WDR72: variants seen among roughly 807,000 people sequenced by gnomAD.
WDR72 encodes WD repeat-containing protein 72.
Under a neutral mutation model 124.2 loss-of-function variants are expected in WDR72, and 120 were observed. The ratio of observed to expected loss-of-function variants is 0.97; its 90% confidence interval spans 0.83 to 1.12. WDR72 has a LOEUF of 1.12. Ranked by LOEUF, WDR72 falls within the 50% of genes most tolerant of loss-of-function variation. The pLI is 0.00. For synonymous variants in WDR72, 452 were observed against 441.7 expected (o/e 1.02, Z -0.29); for missense variants, 1,387 against 1,278.8 (o/e 1.08, Z -1.29).
At chr15:53,762,040 A>G (rs1241866001), upstream of WDR72, among the ~76,000 whole-genome samples, 1 of 151,872 alleles carries the variant, frequency 6.6e-6, no homozygotes, top group Non-Finnish European at 1.5e-5. Flanking sequence ...AAGGTTTCTC[A>G]GTTACATGAC....
Position 53,712,772 on chromosome 15 carries a change from C to A in WDR72, c.711G>T (p.Lys237Asn). ...LLLVVFSKCW[K>N]VYDYCDFSLL... The stretch of plus-strand genomic sequence containing the variant: ...TATTTATTATGTTACTTTATAATAC[C>A]TTCCAACATTTAGAAAATACCACCA... Residue 237 changes from lysine (K) to asparagine (N), a missense_variant and splice_region_variant, in exon 7 of 20, where the codon AAG becomes AAT. Coordinates refer to ENST00000360509, the MANE Select transcript of WDR72 (RefSeq NM_182758.4). 2 of 1,611,938 alleles carry A rather than the reference C, an allele frequency of 1.2e-6. No homozygotes were observed. The highest frequency in any genetic ancestry group is 1.7e-6 in the Non-Finnish European group (2 of 1,178,598).
intron 1 of WDR72, among the ~76,000 whole-genome samples, chr15:53,738,892 C>A (rs945323254): frequency 3.3e-5 from 5 of 152,152 alleles, no homozygotes; most frequent in Non-Finnish European, 7.3e-5. Flanking sequence ...CAGGCGTGAG[C>A]CACTGTACCC....
chr15:53,704,779 G>A lies in WDR72; in HGVS notation c.1348+209C>T, dbSNP rs1188106983. Among the ~76,000 whole-genome samples, 6 of 133,232 alleles carry A rather than the reference G, an allele frequency of 4.5e-5. No individual in the cohort carries two copies. The highest frequency in any genetic ancestry group is 6.2e-5 in the Non-Finnish European group (4 of 64,364). The allele number at this position is 133,232 out of a possible 152,430, so 87.4% of individuals were successfully genotyped here. A position where few individuals can be genotyped will look rare whatever the true frequency, so the allele number is the denominator to read the frequency against. ...GATCTCCTGACCTCGTGATCCGCCCGCCTTGGCCTCCCAAAGTGCTAGGAT... is the reference window on the plus strand; with the variant it reads ...GATCTCCTGACCTCGTGATCCGCCCACCTTGGCCTCCCAAAGTGCTAGGAT... On this transcript the variant is annotated intron_variant, in intron 11 of 19. Coordinates refer to ENST00000360509, the MANE Select transcript of WDR72 (RefSeq NM_182758.4).
chr15:53,580,834 T>A (rs1595772966), intron 18 of WDR72, among the ~76,000 whole-genome samples: 1 of 152,026 alleles, frequency 6.6e-6, no homozygotes, highest in East Asian at 1.9e-4. Flanking sequence ...ATAGAAAAAC[T>A]AATACAGCCT....
At position 53,616,011 on chromosome 15, in the gene WDR72, G is replaced by A. The variant is rs2140368324; in HGVS notation, c.2195C>T (p.Thr732Ile). 1 of 1,613,300 alleles carries A rather than the reference G, an allele frequency of 6.2e-7. No homozygotes were observed. The highest frequency in any genetic ancestry group is 1.1e-5 in the South Asian group (1 of 91,062). ...CTCTGCTGAAAGAGGACCACAGGCA[G>A]TTTTACTTTTTCTCAGTGTCAGTGT... ...KKTLTLRKSK[T>I]ACGPLSAEAL... The change falls in exon 15 of 20, where the codon ACT (threonine) becomes ATT (isoleucine). Residue 732 changes from threonine to isoleucine, a missense_variant. Thr to Ile is a moderately conservative substitution (Grantham distance 89, BLOSUM62 -1). Transcript: ENST00000360509.
chr15:53,741,214 T>C (rs760931371), intron 1 of WDR72, among the ~76,000 whole-genome samples: 5 of 152,350 alleles, frequency 3.3e-5, no homozygotes, highest in African/African-American at 7.2e-5. Context: ...ACAAATGTTA[T>C]TGTATTGTTA....
chr15:53,751,846 G>A (rs1567064179), intron 1 of WDR72, among the ~76,000 whole-genome samples: 1 of 152,116 alleles, frequency 6.6e-6, no homozygotes, highest in Non-Finnish European at 1.5e-5. Context: ...CCTTGGGAAG[G>A]TTATTTTACA....
chr15:53,565,609 C>T (rs1031183870), intron 18 of WDR72, among the ~76,000 whole-genome samples: 1 of 151,916 alleles, frequency 6.6e-6, no homozygotes, highest in Non-Finnish European at 1.5e-5. Context: ...TCTTTGTAAA[C>T]ACTGCATGGT....
chr15:53,572,364 A>G (rs540026063), intron 18 of WDR72, among the ~76,000 whole-genome samples: 24 of 152,232 alleles, frequency 1.6e-4, no homozygotes, highest in African/African-American at 5.5e-4. Flanking sequence ...TCTTGTGTTT[A>G]AGTCTTTAAT....
At position 53,523,724 on chromosome 15, in the gene WDR72, T is replaced by C. The variant is rs546108771; in HGVS notation, c.3149-402A>G. 3.9e-5 allele frequency among the ~76,000 whole-genome samples: 6 copies of C among 152,208 alleles called. No individual in the cohort carries two copies. In the East Asian group the frequency reaches 9.7e-4, roughly 25 times the overall value. On this transcript the variant is annotated intron_variant, in intron 18 of 19. Transcript: ENST00000360509. ...CCAGCTCTGTACTGGTGGCAATGTT[T>C]CCTCTCACTGCACTAATCACAGCTA...
At chr15:53,620,033 GCA>G (rs2013926398) in intron 14 of WDR72, among the ~76,000 whole-genome samples, 1 of 151,890 alleles carries the variant, frequency 6.6e-6, no homozygotes, top group Non-Finnish European at 1.5e-5. Context: ...GTGTAAGTTG[GCA>G]CTTATTTTAT....
chr15:53,577,881 C>G (rs1272793467), intron 18 of WDR72, among the ~76,000 whole-genome samples: 2 of 152,076 alleles, frequency 1.3e-5, no homozygotes, highest in East Asian at 1.9e-4. Flanking sequence ...TGGGTAATCA[C>G]AATTTTTAAA....
chr15:53,661,685 TA>T (rs1183305450), intron 14 of WDR72, among the ~76,000 whole-genome samples: 1 of 152,020 alleles, frequency 6.6e-6, no homozygotes, highest in Non-Finnish European at 1.5e-5. Context: ...GTAGATACAT[TA>T]AAAAAAGGAG....
chr15:53,603,015 C>A (rs1228992730), intron 17 of WDR72, among the ~76,000 whole-genome samples: 1 of 152,066 alleles, frequency 6.6e-6, no homozygotes, highest in African/African-American at 2.4e-5. Flanking sequence ...GATACAAAAA[C>A]CTGGCAGAAA....
At chr15:53,659,116 A>T (rs1485133154) in intron 14 of WDR72, among the ~76,000 whole-genome samples, 12 of 152,214 alleles carry the variant, frequency 7.9e-5, no homozygotes, top group Admixed American at 2.6e-4. Context: ...ACCTATGTCA[A>T]TGACTAAGGC....
At chr15:53,672,469 T>C (rs2016030034) in intron 13 of WDR72, among the ~76,000 whole-genome samples, 1 of 152,144 alleles carries the variant, frequency 6.6e-6, no homozygotes, top group African/African-American at 2.4e-5. Flanking sequence ...TGTAAACCCA[T>C]TAGGATTGTC....
At chr15:53,703,072 C>A (rs2017233571) in intron 11 of WDR72, among the ~76,000 whole-genome samples, 3 of 151,616 alleles carry the variant, frequency 2.0e-5, no homozygotes, top group Non-Finnish European at 2.9e-5. Context: ...CGCCACCATG[C>A]CCAGCTAATT....
At chr15:53,759,869 G>T (rs993265940), upstream of WDR72, among the ~76,000 whole-genome samples, 1 of 142,306 alleles carries the variant, frequency 7.0e-6, no homozygotes, top group African/African-American at 2.5e-5. Flanking sequence ...TCTCTCACTT[G>T]CGGTGGCGGC....
chr15:53,572,720 G>A (rs1894589048), intron 18 of WDR72, among the ~76,000 whole-genome samples: 1 of 152,284 alleles, frequency 6.6e-6, no homozygotes, highest in South Asian at 2.1e-4. Flanking sequence ...GGGAAATGGC[G>A]AGAATTGCAG....
Sources: allele counts gnomAD v4.1 joint callset (sites outside exome capture counted in the v4.1 genomes callset), GRCh38; gene constraint gnomAD v4.1.1; transcripts MANE v1.5; gene names NCBI Gene and HGNC (gene_info 2026-07-23, HGNC 2026-07-21).